Variants in PLA2G4E observed in about 807,000 individuals in gnomAD.
PLA2G4E encodes phospholipase A2 group IVE.
A neutral mutation model predicts 109.1 loss-of-function variants in PLA2G4E; 84 were observed. The observed-to-expected ratio is 0.77, with a 90% CI of 0.65 to 0.92. The LOEUF is 0.92. Among genes scored for constraint, PLA2G4E ranks in the 40% least tolerant of loss-of-function variants. PLA2G4E has a pLI of 0.00. For missense variants in PLA2G4E, 1,057 were observed against 1,076.6 expected (o/e 0.98, Z 0.25); for synonymous variants, 469 against 436.1 (o/e 1.08, Z -0.94).
intron 1 of PLA2G4E, among the ~76,000 whole-genome samples, chr15:42,042,013 C>T (rs1889323805): frequency 6.6e-6 from 1 of 152,144 alleles, no homozygotes; most frequent in Non-Finnish European, 1.5e-5. Flanking sequence ...TCTCTGCCAA[C>T]TTGACAAGGA....
At chr15:42,016,069 A>G (rs1013587412) in intron 1 of PLA2G4E, among the ~76,000 whole-genome samples, 13 of 152,276 alleles carry the variant, frequency 8.5e-5, no homozygotes, top group Admixed American at 5.9e-4. Flanking sequence ...CACCCTCGAC[A>G]TGCGACCCTG....
rs1889256434 is a variant in PLA2G4E at position 42,038,465 on chromosome 15, C to A, written c.183+12056G>T. Among the ~76,000 whole-genome samples, 4 of 152,228 alleles carry A rather than the reference C, an allele frequency of 2.6e-5. No homozygotes were observed. In the South Asian group the frequency reaches 8.3e-4, roughly 32 times the overall value. ...GGGGTGATGGGAGACAGTGACAGATCATCAGGCATTAGATTCTCACAAGGA... is the reference window on the plus strand; with the variant it reads ...GGGGTGATGGGAGACAGTGACAGATAATCAGGCATTAGATTCTCACAAGGA... On this transcript the variant is annotated intron_variant, in intron 1 of 19. Coordinates refer to ENST00000399518, the Ensembl canonical transcript of PLA2G4E.
At chr15:42,013,883 T>G (rs62004285) in intron 1 of PLA2G4E, 126 bp from the exon 2 acceptor site, 1 of 12,104 alleles carries the variant, frequency 8.3e-5, no homozygotes. Context: ...CCTAGGCTGG[T>G]TTTTTTTTTT....
intron 1 of PLA2G4E, among the ~76,000 whole-genome samples, chr15:42,049,183 G>C (rs564928637): frequency 6.6e-6 from 1 of 152,200 alleles, no homozygotes; most frequent in Non-Finnish European, 1.5e-5. Flanking sequence ...GTGTGGGGCA[G>C]AGACATCAAG....
At chr15:42,030,515 G>C (rs1202965971) in intron 1 of PLA2G4E, among the ~76,000 whole-genome samples, 2 of 152,234 alleles carry the variant, frequency 1.3e-5, no homozygotes, top group Non-Finnish European at 2.9e-5. Flanking sequence ...CGAGGGGATG[G>C]AGCTCAGGAA....
exon 18 of PLA2G4E, chr15:41,985,992 A>G: frequency 6.3e-7 from 1 of 1,595,418 alleles, no homozygotes; most frequent in Non-Finnish European, 8.5e-7. Context: ...TTGGGAAACC[A>G]TCTAGCACTG....
At chr15:42,032,211 T>C (rs548421819) in intron 1 of PLA2G4E, among the ~76,000 whole-genome samples, 8 of 152,336 alleles carry the variant, frequency 5.3e-5, no homozygotes, top group African/African-American at 1.9e-4. Context: ...TCTTTGTAAA[T>C]TACCTAGTCT....
chr15:41,983,846 A>C, exon 20 of PLA2G4E: 6 of 1,612,680 alleles, frequency 3.7e-6, no homozygotes, highest in Non-Finnish European at 5.1e-6. Context: ...AGGATGTTAT[A>C]CTCTGAGAGT....
chr15:42,013,343 G>A (rs575941041), intron 2 of PLA2G4E, among the ~76,000 whole-genome samples: 2 of 152,286 alleles, frequency 1.3e-5, no homozygotes, highest in Admixed American at 1.3e-4. Flanking sequence ...TGGGCAAAGC[G>A]GGTGCTCTTG....
intron 1 of PLA2G4E, among the ~76,000 whole-genome samples, chr15:42,014,162 G>A (rs929050086): frequency 5.1e-4 from 77 of 152,054 alleles, no homozygotes; most frequent in Non-Finnish European, 9.9e-4. Flanking sequence ...AAAGTGCTGG[G>A]ATTACAGGCA....
chr15:42,050,554 T>G (rs1212353730), exon 1 of PLA2G4E: 2 of 1,550,434 alleles, frequency 1.3e-6, no homozygotes, highest in Admixed American at 3.9e-5. Context: ...GACAGAAAGG[T>G]GGGAGACCAG....
intron 13 of PLA2G4E, among the ~76,000 whole-genome samples, chr15:41,990,453 C>G (rs184665894): frequency 6.6e-6 from 1 of 152,188 alleles, no homozygotes; most frequent in East Asian, 1.9e-4. Context: ...AGACAGGGGC[C>G]GGGACTGGAT....
chr15:42,026,982 A>AG (rs1012509467), intron 1 of PLA2G4E, among the ~76,000 whole-genome samples: 62 of 151,312 alleles, frequency 4.1e-4, no homozygotes, highest in South Asian at 1.7e-3. Flanking sequence ...CAAAAAAAAA[A>AG]AAAGAAAGAA....
intron 5 of PLA2G4E, 64 bp from the exon 6 acceptor site, chr15:42,002,760 G>A: frequency 1.1e-5 from 15 of 1,395,738 alleles, no homozygotes; most frequent in Admixed American, 5.9e-5. Context: ...TTCTAATGGC[G>A]ACAAAGGGAA....
rs776075882 is a variant in PLA2G4E at position 41,987,280 on chromosome 15, G to A, written c.1927C>T (p.Arg643Ter). Residue 643 changes from arginine (R) to a stop codon, truncating the protein, a stop_gained, in exon 17 of 20, where the codon CGA becomes TGA. Coordinates refer to ENST00000399518, the Ensembl canonical transcript of PLA2G4E. LOFTEE classifies it high-confidence loss of function. ...AAGGACCGATGGGTAAGGATTTCTC[G>A]GAAAGAATTGGACAGCCATGACCCT... 74 of 1,613,864 alleles carry A rather than the reference G, an allele frequency of 4.6e-5. No homozygotes were observed. The highest frequency in any genetic ancestry group is 5.3e-5 in the African/African-American group (4 of 74,934).
intron 14 of PLA2G4E, 119 bp from the exon 15 acceptor site, chr15:41,989,671 C>T (rs534634305): frequency 3.0e-6 from 4 of 1,352,202 alleles, no homozygotes; most frequent in Admixed American, 5.3e-5. Flanking sequence ...GACAGGGAGG[C>T]CGCAGTTCCC....
At chr15:42,033,279 G>C (rs954056062) in intron 1 of PLA2G4E, among the ~76,000 whole-genome samples, 1 of 152,078 alleles carries the variant, frequency 6.6e-6, no homozygotes, top group Non-Finnish European at 1.5e-5. Flanking sequence ...TGGCTGTCCC[G>C]ATGAGCCTTG....
intron 1 of PLA2G4E, among the ~76,000 whole-genome samples, chr15:42,021,996 C>T (rs1434178344): frequency 6.6e-6 from 1 of 152,224 alleles, no homozygotes; most frequent in Non-Finnish European, 1.5e-5. Context: ...TAGCCTGCTG[C>T]TCTCCTGGCT....
At position 41,989,619 on chromosome 15, in the gene PLA2G4E, C is replaced by G. The variant is rs375447928; in HGVS notation, c.1586-67G>C. ...GGAGCCGTCCACACAGCCGGGCCCCCCTCCTGCCTGCAGCCACTGGCTCAG... is the reference window on the plus strand; with the variant it reads ...GGAGCCGTCCACACAGCCGGGCCCCGCTCCTGCCTGCAGCCACTGGCTCAG... On this transcript the variant is annotated intron_variant, in intron 14 of 19. Coordinates refer to ENST00000399518, the Ensembl canonical transcript of PLA2G4E. The G allele has an allele frequency of 4.6e-4, 715 of 1,542,454 alleles. 1 individual carries two copies. In the African/African-American group the frequency reaches 7.8e-3, roughly 17 times the overall value.
Sources: gnomAD v4.1 joint callset for allele counts (sites outside exome capture counted in the v4.1 genomes callset) on GRCh38, gnomAD v4.1.1 for gene constraint, MANE v1.5 for transcripts, NCBI Gene and HGNC (gene_info 2026-07-23, HGNC 2026-07-21) for gene names.